SCAI: variants seen among roughly 807,000 people sequenced by gnomAD.
SCAI encodes the protein protein SCAI.
A neutral mutation model predicts 92.2 loss-of-function variants in SCAI; 24 were observed. The observed-to-expected ratio is 0.26, with a 90% CI of 0.19 to 0.37. The LOEUF is 0.37. SCAI is among the 10% of genes least tolerant of loss of function. The pLI, the probability that SCAI is intolerant of heterozygous loss-of-function variation, is 1.00. For missense variants in SCAI, 450 were observed against 736.2 expected, an observed-to-expected ratio of 0.61 and a Z score of 4.50; for synonymous variants, 261 against 258.6, an observed-to-expected ratio of 1.01 and a Z score of -0.09.
At chr9:125,074,154 G>A (rs1249704798) in intron 2 of SCAI, among the ~76,000 whole-genome samples, 1 of 151,052 alleles carries the variant, frequency 6.6e-6, no homozygotes, top group Non-Finnish European at 1.5e-5. Flanking sequence ...AGCTACTCAG[G>A]AGGCTGAGGC....
At chr9:124,958,123 T>C (rs1227188618) in intron 17 of SCAI, among the ~76,000 whole-genome samples, 1 of 152,216 alleles carries the variant, frequency 6.6e-6, no homozygotes, top group Non-Finnish European at 1.5e-5. Flanking sequence ...ATATATACCA[T>C]TATTATTGAC....
rs1435943106 is a variant in SCAI, at chr9:124,948,405, C to T, written c.*4402G>A. On this transcript the variant is annotated 3_prime_UTR_variant, in exon 18 of 18. Transcript: ENST00000336505. ...CATGCAAATGAAGAATACATCCTGG[C>T]TAGAATAAAAGATAAAATGTCAGAT... 1 of 152,154 alleles carries T rather than the reference C, an allele frequency of 6.6e-6. No individual in the cohort carries two copies. Among genetic ancestry groups the T allele is most frequent in the Non-Finnish European group, 1.5e-5 (1 of 68,014 alleles). The allele number at this position is 152,154 out of a possible 1,614,324, so 9.4% of individuals were successfully genotyped here. A position where few individuals can be genotyped will look rare whatever the true frequency, so the allele number is the denominator to read the frequency against.
intron 2 of SCAI, among the ~76,000 whole-genome samples, chr9:125,113,113 T>A (rs1194005619): frequency 6.6e-6 from 1 of 152,210 alleles, no homozygotes; most frequent in Non-Finnish European, 1.5e-5. Context: ...CACTGTGCAA[T>A]GACTTCCTTC....
intron 2 of SCAI, among the ~76,000 whole-genome samples, chr9:125,067,770 G>A (rs1469434726): frequency 6.6e-6 from 1 of 152,154 alleles, no homozygotes; most frequent in South Asian, 2.1e-4. Flanking sequence ...CTAATACATA[G>A]ATACATAATA....
intron 2 of SCAI, among the ~76,000 whole-genome samples, chr9:125,089,986 T>C (rs1467782192): frequency 6.6e-6 from 1 of 152,152 alleles, no homozygotes; most frequent in African/African-American, 2.4e-5. Flanking sequence ...AAAGTTGAGG[T>C]GAAACCTAGA....
In SCAI at chr9:124,952,030, A is replaced by G. The variant is rs929933509; in HGVS notation, c.*777T>C. On this transcript the variant is annotated 3_prime_UTR_variant, in exon 18 of 18. Transcript: ENST00000336505. The stretch of plus-strand genomic sequence containing the variant: ...TGTGATCTCATAAACCAAGAGTTTA[A>G]ATAGAATTCCTATTGGAGACATTGT... 3 of 152,218 alleles carry G rather than the reference A, an allele frequency of 2.0e-5. No individual in the cohort carries two copies. The highest frequency in any genetic ancestry group is 7.2e-5 in the African/African-American group (3 of 41,456). 9.4% of individuals were successfully genotyped at this position (152,218 alleles called of 1,614,324 possible). A position where few individuals can be genotyped will look rare whatever the true frequency, so the allele number is the denominator to read the frequency against.
chr9:125,139,141 T>C (rs560460193), intron 2 of SCAI, among the ~76,000 whole-genome samples: 1 of 152,280 alleles, frequency 6.6e-6, no homozygotes, highest in Admixed American at 6.5e-5. Flanking sequence ...GACCAGGTAC[T>C]GTGGCTGACG....
At chr9:125,018,658 C>A in intron 9 of SCAI, 141 bp downstream of exon 9, 1 of 639,600 alleles carries the variant, frequency 1.6e-6, no homozygotes, top group Middle Eastern at 3.2e-4. Flanking sequence ...TAATATATTC[C>A]ATATATGCAC....
intron 2 of SCAI, among the ~76,000 whole-genome samples, chr9:125,120,478 A>G (rs1012431646): frequency 1.3e-5 from 2 of 152,184 alleles, no homozygotes; most frequent in African/African-American, 4.8e-5. Context: ...GAATCACCTG[A>G]GGTCAGGAGT....
intron 17 of SCAI, 72 bp from the exon 18 acceptor site, chr9:124,953,025 G>A (rs140261553): frequency 1.7e-6 from 2 of 1,210,248 alleles, no homozygotes; most frequent in South Asian, 2.6e-5. Flanking sequence ...TGATAACAGT[G>A]TCAAGGAGTA....
At chr9:125,125,982 A>G (rs1426266788) in intron 2 of SCAI, among the ~76,000 whole-genome samples, 1 of 151,744 alleles carries the variant, frequency 6.6e-6, no homozygotes, top group African/African-American at 2.4e-5. Context: ...AAACCTATAC[A>G]GGATAAGAGA....
At chr9:125,019,833 G>A (rs1364034061) in intron 7 of SCAI, among the ~76,000 whole-genome samples, 1 of 152,014 alleles carries the variant, frequency 6.6e-6, no homozygotes, top group Non-Finnish European at 1.5e-5. Context: ...CAGCACTTCG[G>A]GAGGCAGAGG....
chr9:124,981,781 C>T (rs1346632804), intron 14 of SCAI, among the ~76,000 whole-genome samples: 1 of 152,078 alleles, frequency 6.6e-6, no homozygotes, highest in Non-Finnish European at 1.5e-5. Context: ...TCCTAAGTAG[C>T]TAGCACTGCA....
intron 2 of SCAI, among the ~76,000 whole-genome samples, chr9:125,058,312 G>C (rs929733916): frequency 3.9e-5 from 6 of 151,956 alleles, no homozygotes; most frequent in African/African-American, 1.5e-4. Flanking sequence ...TCAGGAGTTT[G>C]AGACCAGCCT....
At chr9:124,979,603 C>T (rs901719983) in intron 14 of SCAI, among the ~76,000 whole-genome samples, 5 of 151,932 alleles carry the variant, frequency 3.3e-5, no homozygotes, top group Non-Finnish European at 4.4e-5. Context: ...AACTTTTTTT[C>T]TAAAAGGATA....
chr9:125,138,198 CAGGCACTATCCT>C (rs1004235907), intron 2 of SCAI, among the ~76,000 whole-genome samples: 4 of 151,504 alleles, frequency 2.6e-5, no homozygotes, highest in Admixed American at 2.6e-4. Context: ...TTCTATGTGC[CAGGCACTATCCT>C]AGGCACCTTA....
intron 2 of SCAI, among the ~76,000 whole-genome samples, chr9:125,107,282 G>T (rs1453093370): frequency 1.3e-5 from 2 of 151,718 alleles, no homozygotes; most frequent in Non-Finnish European, 2.9e-5. Context: ...GGTGGTGTGG[G>T]CCTGTAGTCC....
Position 125,108,539 on chromosome 9 carries a change from T to G in SCAI, c.98+34094A>C. ...CCCGGCTGCGACCCCATCTGGGAGGTGAGGAGCGTCTCTGCCCAGCCGCCC... is the reference window on the plus strand; with the variant it reads ...CCCGGCTGCGACCCCATCTGGGAGGGGAGGAGCGTCTCTGCCCAGCCGCCC... On this transcript the variant is annotated intron_variant, in intron 2 of 17. Transcript: ENST00000336505. Among the ~76,000 whole-genome samples the G allele has an allele frequency of 2.1e-5, 3 of 142,520 alleles. No homozygotes were observed. In the Admixed American group the frequency reaches 2.1e-4, roughly 10 times the overall value. The allele number at this position is 142,520 out of a possible 152,430, so 93.5% of individuals were successfully genotyped here.
In SCAI at chr9:124,944,342, A is replaced by G. The variant is rs1483681630; in HGVS notation, c.*8465T>C. On this transcript the variant is annotated 3_prime_UTR_variant, in exon 18 of 18. Transcript: ENST00000336505. ...GAGAATGAGTCTTGCTCTGTCACCC[A>G]GACTGGAGTGCAATGGCACGATCTC... The G allele has an allele frequency of 1.3e-5, 2 of 148,872 alleles. No individual in the cohort carries two copies. The highest frequency in any genetic ancestry group is 2.5e-5 in the African/African-American group (1 of 40,246). The allele number at this position is 148,872 out of a possible 1,614,324, so 9.2% of individuals were successfully genotyped here. A position where few individuals can be genotyped will look rare whatever the true frequency, so the allele number is the denominator to read the frequency against.
Sources: allele counts gnomAD v4.1 joint callset (sites outside exome capture counted in the v4.1 genomes callset), GRCh38; gene constraint gnomAD v4.1.1; transcripts MANE v1.5; gene names NCBI Gene and HGNC (gene_info 2026-07-23, HGNC 2026-07-21).